The following SMARCAD1 variants were observed in gnomAD, a reference collection of about 807,000 sequenced individuals.
The protein encoded by SMARCAD1 is SWI/SNF-related matrix-associated actin-dependent regulator of chromatin subfamily A containing DEAD/H box 1.
SMARCAD1 carries 25 observed loss-of-function variants against 127.1 expected under a neutral mutation model. That is an observed-to-expected ratio of 0.20 (90% CI 0.14 to 0.27). The LOEUF (loss-of-function observed/expected upper bound fraction) is 0.27. SMARCAD1 is among the 10% of genes least tolerant of loss of function. SMARCAD1 has a pLI of 1.00. For synonymous variants in SMARCAD1, 400 were observed against 396.9 expected (o/e 1.01, Z -0.09); for missense variants, 807 against 1,206.0 (o/e 0.67, Z 4.90).
At chr4:94,213,282 CAAA>C (rs940350163) in intron 2 of SMARCAD1, 2 of 363,586 alleles carry the variant, frequency 5.5e-6, no homozygotes, top group African/African-American at 4.3e-5. Context: ...GGGAGGATCA[CAAA>C]AAGTCACAGA....
rs1002725566 is a variant in SMARCAD1, at chr4:94,282,298, G to A, written c.2726+708G>A. Among the ~76,000 whole-genome samples the A allele has an allele frequency of 7.7e-4, 115 of 148,664 alleles. 1 individual carries two copies. In the East Asian group the frequency reaches 0.017, roughly 21 times the overall value. Reference sequence around the variant, plus strand: ...TTTTTAGTAGAGACGGGGTTTCACCGTGTTAGCCAGGATGGTCTCGATCTC... The same window carrying A: ...TTTTTAGTAGAGACGGGGTTTCACCATGTTAGCCAGGATGGTCTCGATCTC... On this transcript the variant is annotated intron_variant, in intron 21 of 23. Transcript: ENST00000354268.
intron 2 of SMARCAD1, among the ~76,000 whole-genome samples, chr4:94,213,325 A>G (rs1399142516): frequency 6.6e-6 from 1 of 152,172 alleles, no homozygotes; most frequent in Non-Finnish European, 1.5e-5. Flanking sequence ...ACTCTAAACA[A>G]TGAAATCATT....
chr4:94,250,792 C>G lies in SMARCAD1; in HGVS notation c.848C>G (p.Thr283Arg). 6.2e-7 allele frequency: 1 copy of G among 1,612,364 alleles called. No individual in the cohort carries two copies. Among genetic ancestry groups the G allele is most frequent in the Non-Finnish European group, 8.5e-7 (1 of 1,178,942 alleles). ...EVLKEHEWMY[T>R]EALESLKVFA... ...CTCAAGGAACATGAATGGATGTACA[C>G]AGAAGCTTTAGAATCTCTAAAAGTG... The change falls in exon 8 of 24, where the codon ACA becomes AGA. Residue 283 changes from threonine (T) to arginine (R), a missense_variant. Physicochemically the swap from Thr to Arg is moderately conservative, Grantham distance 71 (BLOSUM62 -1). Coordinates refer to ENST00000354268, the MANE Select transcript of SMARCAD1 (RefSeq NM_020159.5).
chr4:94,281,417 C>A, intron 20 of SMARCAD1, 55 bp from the exon 21 acceptor site: 1 of 1,198,922 alleles, frequency 8.3e-7, no homozygotes, highest in Non-Finnish European at 1.2e-6. Context: ...CCTGTCAAGG[C>A]TTTGAGTAGT....
At chr4:94,219,059 A>G (rs534358606) in intron 2 of SMARCAD1, among the ~76,000 whole-genome samples, 12 of 152,064 alleles carry the variant, frequency 7.9e-5, no homozygotes, top group African/African-American at 2.9e-4. Context: ...TGATCTGCCC[A>G]CGTTGGCCTC....
chr4:94,254,416 T>A (rs2125921710), intron 9 of SMARCAD1, among the ~76,000 whole-genome samples: 1 of 152,310 alleles, frequency 6.6e-6, no homozygotes, highest in Non-Finnish European at 1.5e-5. Flanking sequence ...TGCACTAGTT[T>A]GTTTAGTTGC....
intron 23 of SMARCAD1, among the ~76,000 whole-genome samples, chr4:94,285,842 T>C (rs959569640): frequency 6.6e-6 from 1 of 152,326 alleles, no homozygotes; most frequent in South Asian, 2.1e-4. Context: ...CAATTAGCAG[T>C]CATTACTAGG....
intron 23 of SMARCAD1, among the ~76,000 whole-genome samples, chr4:94,287,837 T>C (rs1375522459): frequency 1.3e-5 from 2 of 152,060 alleles, no homozygotes; most frequent in African/African-American, 4.8e-5. Flanking sequence ...TGAATTTTTT[T>C]ATTACAGAAA....
At chr4:94,235,424 A>G (rs191361815) in intron 4 of SMARCAD1, among the ~76,000 whole-genome samples, 174 of 152,068 alleles carry the variant, frequency 1.1e-3, no homozygotes, top group Middle Eastern at 3.4e-3. Context: ...ATTCAAGCCA[A>G]ACAACACATG....
chr4:94,257,929 T>C (rs1750370335), intron 9 of SMARCAD1, among the ~76,000 whole-genome samples: 1 of 152,158 alleles, frequency 6.6e-6, no homozygotes, highest in Non-Finnish European at 1.5e-5. Context: ...TGTTAATATA[T>C]GTTAATATGG....
At chr4:94,286,523 A>G (rs1315270728) in intron 23 of SMARCAD1, among the ~76,000 whole-genome samples, 1 of 152,168 alleles carries the variant, frequency 6.6e-6, no homozygotes, top group Non-Finnish European at 1.5e-5. Context: ...CTTTTACTTT[A>G]TTATCGAAAA....
At position 94,284,137 on chromosome 4, in the gene SMARCAD1, T is replaced by C. The variant is rs200726381; in HGVS notation, c.2910-823T>C. Among the ~76,000 whole-genome samples the C allele has an allele frequency of 6.1e-5, 9 of 148,644 alleles. No individual in the cohort carries two copies. In the East Asian group the frequency reaches 1.8e-3, roughly 30 times the overall value. On this transcript the variant is annotated intron_variant, in intron 22 of 23. Transcript: ENST00000354268. ...GAGATCAAGGCCATTCTGGCTAACA[T>C]GGTGAAACCCCGTCTCTACTAAAAA...
In SMARCAD1 at chr4:94,233,585, T is replaced by C. The variant is rs149834409; in HGVS notation, c.369-369T>C. 5.6e-3 allele frequency among the ~76,000 whole-genome samples: 846 copies of C among 152,300 alleles called. 6 individuals are homozygous for C. Among genetic ancestry groups the C allele is most frequent in the Middle Eastern group, 0.055 (16 of 292 alleles). ...CTTTGTATCCATTTAATCTTCATAA[T>C]TTCTTAGGAGTAGCATAACTTCGTC... On this transcript the variant is annotated intron_variant, in intron 3 of 23. Transcript: ENST00000354268.
chr4:94,285,070 G>T lies in SMARCAD1; in HGVS notation c.3019+1G>T. The T allele has an allele frequency of 6.3e-7, 1 of 1,587,430 alleles. No individual in the cohort carries two copies. Among genetic ancestry groups the T allele is most frequent in the Non-Finnish European group, 8.6e-7 (1 of 1,157,804 alleles). ...CAGGATATGACTACAGTAGATGAAGGTGAGTTGTTTGTAAGCAGAAACTTC... is the reference window on the plus strand; with the variant it reads ...CAGGATATGACTACAGTAGATGAAGTTGAGTTGTTTGTAAGCAGAAACTTC... On this transcript the variant is annotated splice_donor_variant, in intron 23 of 23. Transcript: ENST00000354268. LOFTEE classifies it high-confidence loss of function.
intron 6 of SMARCAD1, among the ~76,000 whole-genome samples, chr4:94,242,844 AG>A (rs1236844383): frequency 6.6e-6 from 1 of 152,190 alleles, no homozygotes; most frequent in African/African-American, 2.4e-5. Context: ...TGAGCCCAGA[AG>A]GTTGAGGCTT....
chr4:94,277,704 A>G (rs553908610), intron 16 of SMARCAD1, among the ~76,000 whole-genome samples: 5 of 152,328 alleles, frequency 3.3e-5, no homozygotes, highest in South Asian at 2.1e-4. Flanking sequence ...AGTTTTTTCA[A>G]TACCGCAGTG....
At chr4:94,211,449 A>G (rs1398795152) in intron 2 of SMARCAD1, among the ~76,000 whole-genome samples, 5 of 152,152 alleles carry the variant, frequency 3.3e-5, no homozygotes, top group Admixed American at 6.5e-5. Flanking sequence ...AAATTGGTGA[A>G]TTATAAATAG....
At chr4:94,283,021 C>A in intron 21 of SMARCAD1, 100 bp from the exon 22 acceptor site, 1 of 970,026 alleles carries the variant, frequency 1.0e-6, no homozygotes, top group Non-Finnish European at 1.6e-6. Flanking sequence ...GATGTACATA[C>A]ATCTTCAGGT....
intron 23 of SMARCAD1, among the ~76,000 whole-genome samples, chr4:94,286,013 A>G (rs1754882832): frequency 6.6e-6 from 1 of 152,232 alleles, no homozygotes; most frequent in African/African-American, 2.4e-5. Flanking sequence ...CAGCAATACT[A>G]GCAAATATCC....
Sources: allele counts gnomAD v4.1 joint callset (sites outside exome capture counted in the v4.1 genomes callset), GRCh38; gene constraint gnomAD v4.1.1; transcripts MANE v1.5; gene names NCBI Gene and HGNC (gene_info 2026-07-23, HGNC 2026-07-21).